The following RASGRP1 variants were observed in gnomAD, a reference collection of about 807,000 sequenced individuals.
RASGRP1 encodes RAS guanyl-releasing protein 1.
A neutral mutation model predicts 95.1 loss-of-function variants in RASGRP1; 37 were observed. The ratio of observed to expected loss-of-function variants is 0.39; its 90% CI spans 0.30 to 0.51. The LOEUF (loss-of-function observed/expected upper bound fraction) is 0.51. Among genes scored for constraint, RASGRP1 ranks in the 20% least tolerant of loss-of-function variants. The probability of loss-of-function intolerance (pLI) is 0.80; values close to 1 mark genes in which losing one functional copy is unlikely to be tolerated. For synonymous variants in RASGRP1, 325 were observed against 353.4 expected (o/e 0.92, Z 0.90); for missense variants, 711 against 965.4 (o/e 0.74, Z 3.49).
chr15:38,491,964 A>G (rs760802795), intron 16 of RASGRP1, among the ~76,000 whole-genome samples: 51 of 152,200 alleles, frequency 3.4e-4, no homozygotes, highest in Non-Finnish European at 6.9e-4. Context: ...CTTTCAGAAC[A>G]TGGAATCCCA....
chr15:38,534,361 C>G (rs1892555336), intron 2 of RASGRP1: 1 of 151,330 alleles, frequency 6.6e-6, no homozygotes, highest in Admixed American at 6.6e-5. Flanking sequence ...TCTGGGATAA[C>G]CTGGTATGTC....
At chr15:38,536,082 G>C (rs894199986) in intron 2 of RASGRP1, among the ~76,000 whole-genome samples, 1 of 152,202 alleles carries the variant, frequency 6.6e-6, no homozygotes, top group East Asian at 1.9e-4. Context: ...AGTCAGTGCC[G>C]ACTGAATATA....
rs912933861 is a variant in RASGRP1 at position 38,491,027 on chromosome 15, G to C, written c.2260-339C>G. Among the ~76,000 whole-genome samples the C allele has an allele frequency of 3.3e-5, 5 of 152,174 alleles. 1 individual carries two copies. Among genetic ancestry groups the C allele is most frequent in the Admixed American group, 3.3e-4 (5 of 15,284 alleles). On this transcript the variant is annotated intron_variant, in intron 16 of 16. Coordinates refer to ENST00000310803, the MANE Select transcript of RASGRP1 (RefSeq NM_005739.4). ...GCAGAAACAGTCTCTGGTCAGGTCTGAGCCATGAAAGCATGACTGAGAATT... is the reference window on the plus strand; with the variant it reads ...GCAGAAACAGTCTCTGGTCAGGTCTCAGCCATGAAAGCATGACTGAGAATT...
intron 9 of RASGRP1, 64 bp downstream of exon 9, chr15:38,507,662 G>A: frequency 2.0e-6 from 3 of 1,490,390 alleles, no homozygotes; most frequent in African/African-American, 1.4e-5. Flanking sequence ...ATTTGGTAAG[G>A]GGTATAGAAT....
chr15:38,490,799 T>C (rs533773948), intron 16 of RASGRP1, 111 bp from the exon 17 acceptor site: 1 of 1,134,216 alleles, frequency 8.8e-7, no homozygotes, highest in Admixed American at 2.6e-5. Context: ...TGGCTGAGAA[T>C]TAACAACCAT....
chr15:38,512,499 C>T lies in RASGRP1; in HGVS notation c.849+284G>A, dbSNP rs566689291. Among the ~76,000 whole-genome samples the T allele has an allele frequency of 3.3e-5, 5 of 152,306 alleles. No individual in the cohort carries two copies. In the East Asian group the frequency reaches 7.7e-4, roughly 23 times the overall value. ...GCCAGACTCGGGAAAATAATGTAGG[C>T]TGGTAAGCATCTTTTGAAAAATGTT... On this transcript the variant is annotated intron_variant, in intron 7 of 16. Transcript: ENST00000310803.
intron 12 of RASGRP1, chr15:38,501,530 C>CCTAA: frequency 1.6e-6 from 1 of 632,672 alleles, no homozygotes; most frequent in South Asian, 1.5e-5. Flanking sequence ...ACTAGGTTTC[C>CCTAA]CTAACTAACT....
At chr15:38,504,046 T>G (rs775905300) in intron 10 of RASGRP1, 1 of 152,250 alleles carries the variant, frequency 6.6e-6, no homozygotes, top group African/African-American at 2.4e-5. Context: ...GGTATTTGTG[T>G]ATCTTAACAT....
At chr15:38,513,493 G>C (rs1277167195) in intron 6 of RASGRP1, among the ~76,000 whole-genome samples, 1 of 152,148 alleles carries the variant, frequency 6.6e-6, no homozygotes, top group Non-Finnish European at 1.5e-5. Flanking sequence ...GTAAGGTTGC[G>C]CTAATGGAGT....
chr15:38,526,490 G>A, intron 2 of RASGRP1, 86 bp from the exon 3 acceptor site: 1 of 943,286 alleles, frequency 1.1e-6, no homozygotes, highest in South Asian at 1.4e-5. Flanking sequence ...CTGTGACTCA[G>A]GTGCAATCCT....
At position 38,514,225 on chromosome 15, in the gene RASGRP1, C is replaced by T. The variant is rs1891664941; in HGVS notation, c.676-1269G>A. On this transcript the variant is annotated intron_variant, in intron 6 of 16. Transcript: ENST00000310803. The stretch of plus-strand genomic sequence containing the variant: ...TAAAATAGCTGCAAATTAACTGAGC[C>T]CCATTTTACTGTGCTATATGGCTGC... Among the ~76,000 whole-genome samples, 4 of 152,026 alleles carry T rather than the reference C, an allele frequency of 2.6e-5. No homozygotes were observed. In the South Asian group the frequency reaches 8.3e-4, roughly 32 times the overall value.
At chr15:38,526,625 C>T (rs1892233867) in intron 2 of RASGRP1, among the ~76,000 whole-genome samples, 1 of 152,100 alleles carries the variant, frequency 6.6e-6, no homozygotes, top group South Asian at 2.1e-4. Flanking sequence ...CTTTTCCTCT[C>T]CACAGTGGTA....
At chr15:38,557,654 A>G (rs1273628335) in intron 2 of RASGRP1, among the ~76,000 whole-genome samples, 2 of 149,896 alleles carry the variant, frequency 1.3e-5, no homozygotes, top group South Asian at 2.1e-4. Flanking sequence ...TATTTCCTGA[A>G]CAGTATGTTT....
intron 14 of RASGRP1, chr15:38,499,212 A>G (rs370049405): frequency 1.5e-5 from 9 of 596,674 alleles, no homozygotes; most frequent in African/African-American, 1.1e-4. Flanking sequence ...GTGTCCTGGT[A>G]TCCCATACAT....
At chr15:38,528,433 A>G (rs927965168) in intron 2 of RASGRP1, among the ~76,000 whole-genome samples, 2 of 152,080 alleles carry the variant, frequency 1.3e-5, no homozygotes, top group Admixed American at 6.5e-5. Context: ...TCAGCTCCAC[A>G]CTGCCAAATC....
intron 7 of RASGRP1, among the ~76,000 whole-genome samples, chr15:38,512,089 A>G (rs1891547446): frequency 6.6e-6 from 1 of 152,206 alleles, no homozygotes; most frequent in South Asian, 2.1e-4. Flanking sequence ...ATATACCTTT[A>G]GTTAATATCA....
At chr15:38,506,919 G>T (rs993844224) in intron 9 of RASGRP1, among the ~76,000 whole-genome samples, 10 of 152,260 alleles carry the variant, frequency 6.6e-5, no homozygotes, top group African/African-American at 2.2e-4. Context: ...ACCTGCCAAG[G>T]TCACCTGGCT....
chr15:38,503,066 G>A (rs1891103034), intron 11 of RASGRP1: 1 of 583,054 alleles, frequency 1.7e-6, no homozygotes, highest in South Asian at 2.3e-5. Context: ...GTCTTGAAGA[G>A]GAGGCACAAC....
intron 8 of RASGRP1, among the ~76,000 whole-genome samples, chr15:38,510,183 AGGAAGCACTGCTGTGGGG>A (rs1182015900): frequency 6.6e-6 from 1 of 152,226 alleles, no homozygotes; most frequent in African/African-American, 2.4e-5. Flanking sequence ...AGCTACCGAC[AGGAAGCACTGCTGTGGGG>A]GGACCCCAAG....
Sources: allele counts gnomAD v4.1 joint callset (sites outside exome capture counted in the v4.1 genomes callset), GRCh38; gene constraint gnomAD v4.1.1; transcripts MANE v1.5; gene names NCBI Gene and HGNC (gene_info 2026-07-23, HGNC 2026-07-21).